The following ZNF516 variants were observed in gnomAD, a reference collection of about 807,000 sequenced individuals.
The protein encoded by ZNF516 is zinc finger protein 516.
In ZNF516, 19 loss-of-function variants were observed where a neutral mutation model predicts 79.7. The observed-to-expected ratio is 0.24, with a 90% CI of 0.17 to 0.35. The LOEUF is 0.35. Among genes scored for constraint, ZNF516 ranks in the 10% least tolerant of loss-of-function variants. ZNF516 has a pLI of 1.00. For missense variants in ZNF516, 1,678 were observed against 1,679.5 expected, an observed-to-expected ratio of 1.00 and a Z score of 0.02; for synonymous variants, 877 against 739.5, an observed-to-expected ratio of 1.19 and a Z score of -3.02.
intron 2 of ZNF516, among the ~76,000 whole-genome samples, chr18:76,450,191 G>GGGGT (rs1912316399): frequency 7.2e-6 from 1 of 139,154 alleles, no homozygotes; most frequent in African/African-American, 2.7e-5. Context: ...TAAAGGGGGG[G>GGGGT]GGGTGTTTAT....
chr18:76,438,550 T>G (rs945511150), intron 3 of ZNF516, among the ~76,000 whole-genome samples: 1 of 152,220 alleles, frequency 6.6e-6, no homozygotes, highest in Non-Finnish European at 1.5e-5. Context: ...TCCATAATTT[T>G]GCACTTCTAC....
intron 2 of ZNF516, among the ~76,000 whole-genome samples, chr18:76,456,573 C>T (rs1423540973): frequency 1.3e-5 from 2 of 152,222 alleles, no homozygotes; most frequent in East Asian, 3.9e-4. Context: ...TAACTTTAGC[C>T]TGCCATCCAC....
chr18:76,377,376 G>A (rs1407231234), intron 4 of ZNF516, among the ~76,000 whole-genome samples: 7 of 152,280 alleles, frequency 4.6e-5, no homozygotes, highest in Admixed American at 4.6e-4. Flanking sequence ...AGGTTGGCTG[G>A]AGTAAGGCCT....
chr18:76,449,376 C>T (rs933257646), intron 2 of ZNF516, among the ~76,000 whole-genome samples: 9 of 152,226 alleles, frequency 5.9e-5, no homozygotes, highest in Non-Finnish European at 8.8e-5. Context: ...TGCGTCCCTG[C>T]CCCACCTGTC....
At chr18:76,491,314 C>T (rs1431453967) in intron 1 of ZNF516, among the ~76,000 whole-genome samples, 2 of 127,084 alleles carry the variant, frequency 1.6e-5, no homozygotes, top group Non-Finnish European at 3.4e-5. Flanking sequence ...ACAGCCCCAT[C>T]CGCTCGCTCC....
At chr18:76,466,643 C>T (rs1718565107) in intron 1 of ZNF516, among the ~76,000 whole-genome samples, 1 of 152,246 alleles carries the variant, frequency 6.6e-6, no homozygotes, top group Admixed American at 6.5e-5. Context: ...CTCTAGACAG[C>T]GTGGCACACA....
At chr18:76,409,588 A>G (rs997410142) in intron 3 of ZNF516, among the ~76,000 whole-genome samples, 1 of 152,244 alleles carries the variant, frequency 6.6e-6, no homozygotes, top group Non-Finnish European at 1.5e-5. Flanking sequence ...GGTAGGAACG[A>G]TATTAAAGTA....
chr18:76,410,491 G>A (rs2075361709), intron 3 of ZNF516, among the ~76,000 whole-genome samples: 1 of 152,210 alleles, frequency 6.6e-6, no homozygotes, highest in East Asian at 1.9e-4. Context: ...AGGTCCCGAA[G>A]CTCGCGCAGT....
intron 3 of ZNF516, among the ~76,000 whole-genome samples, chr18:76,419,087 C>T (rs994892780): frequency 6.6e-6 from 1 of 152,224 alleles, no homozygotes; most frequent in South Asian, 2.1e-4. Flanking sequence ...CACTGTGGGT[C>T]GCAGCCACTC....
intron 3 of ZNF516, among the ~76,000 whole-genome samples, chr18:76,435,028 C>T (rs2075711400): frequency 6.6e-6 from 1 of 152,234 alleles, no homozygotes; most frequent in Admixed American, 6.5e-5. Flanking sequence ...GGGGCAAAAG[C>T]CAACCCTGCC....
intron 1 of ZNF516, among the ~76,000 whole-genome samples, chr18:76,464,141 T>G: frequency 6.6e-6 from 1 of 151,816 alleles, no homozygotes; most frequent in East Asian, 2.0e-4. Context: ...CTGGCCAACA[T>G]GGTAAAACCC....
chr18:76,491,661 GGCCACC>G, intron 1 of ZNF516: 4 of 647,976 alleles, frequency 6.2e-6, no homozygotes, highest in Non-Finnish European at 7.5e-6. Context: ...AGCAACAAGC[GGCCACC>G]GCCCCCACCC....
At position 76,371,558 on chromosome 18, in the gene ZNF516, C is replaced by T. The variant is rs537530620; in HGVS notation, c.3273G>A (p.Thr1091=). The T allele has an allele frequency of 8.7e-6, 14 of 1,609,922 alleles. No homozygotes were observed. The East Asian group carries it at 1.3e-4, about 15-fold the overall frequency. The stretch of plus-strand genomic sequence containing the variant: ...AGACGAACTCTCCTGGCCGGGCCTG[C>T]GTCCGGAGTGTCCCTGCGGTGGCGA... ...PGLEHRGTLR[T]QARPGEFVCI... Residue 1091 remains threonine (T), a synonymous_variant, in exon 5 of 7, where the codon ACG becomes ACA. Transcript: ENST00000443185.
At chr18:76,410,324 C>G (rs2075359308) in intron 3 of ZNF516, among the ~76,000 whole-genome samples, 2 of 152,134 alleles carry the variant, frequency 1.3e-5, no homozygotes. Flanking sequence ...ATTCTCGGGT[C>G]AGGGCTTCAG....
At chr18:76,376,710 CA>C (rs2074792337) in intron 4 of ZNF516, among the ~76,000 whole-genome samples, 1 of 152,188 alleles carries the variant, frequency 6.6e-6, no homozygotes, top group South Asian at 2.1e-4. Flanking sequence ...CAGGGCAGCT[CA>C]AAAGCCTTTA....
intron 6 of ZNF516, among the ~76,000 whole-genome samples, chr18:76,366,227 C>T (rs879387182): frequency 2.0e-4 from 31 of 152,168 alleles, no homozygotes; most frequent in Non-Finnish European, 2.5e-4. Context: ...TTACCTGGCC[C>T]TCGTGCCTGT....
At chr18:76,457,259 T>G (rs1311568748) in intron 2 of ZNF516, among the ~76,000 whole-genome samples, 5 of 152,244 alleles carry the variant, frequency 3.3e-5, no homozygotes, top group Non-Finnish European at 7.3e-5. Flanking sequence ...ATTTTAAGCT[T>G]TCTCTCCTTC....
chr18:76,481,171 T>TC (rs1914502504), intron 1 of ZNF516, among the ~76,000 whole-genome samples: 1 of 152,186 alleles, frequency 6.6e-6, no homozygotes, highest in Non-Finnish European at 1.5e-5. Flanking sequence ...CGGGACCAAG[T>TC]CCCACCAGCT....
chr18:76,363,891 G>A (rs1368384624), intron 6 of ZNF516, among the ~76,000 whole-genome samples: 1 of 152,218 alleles, frequency 6.6e-6, no homozygotes, highest in African/African-American at 2.4e-5. Context: ...AGACGTCAGG[G>A]ACCGTAAGAG....
Sources: allele counts gnomAD v4.1 joint callset (sites outside exome capture counted in the v4.1 genomes callset), GRCh38; gene constraint gnomAD v4.1.1; transcripts MANE v1.5; gene names NCBI Gene and HGNC (gene_info 2026-07-23, HGNC 2026-07-21).